The following ZNF718 variants were observed in gnomAD, a reference collection of about 807,000 sequenced individuals.
ZNF718 encodes zinc finger protein 718.
Under a neutral mutation model 2.6 loss-of-function variants are expected in ZNF718, and 3 were observed. The observed-to-expected ratio is 1.16, with a 90% CI of 0.53 to 3.01. The LOEUF is 3.01. Among genes scored for constraint, ZNF718 ranks in the 30% most tolerant of loss-of-function variants. ZNF718 has a pLI of 0.03. For synonymous variants in ZNF718, 135 were observed against 77.9 expected, an observed-to-expected ratio of 1.73 and a Z score of -3.86; for missense variants, 468 against 230.0, an observed-to-expected ratio of 2.03 and a Z score of -6.69.
chr4:157,603 A>G (rs980292374), intron 3 of ZNF718, among the ~76,000 whole-genome samples: 2 of 152,216 alleles, frequency 1.3e-5, no homozygotes, highest in African/African-American at 4.8e-5. Flanking sequence ...ACATTGAACA[A>G]GAGCATGCTA....
chr4:140,288 CTG>C (rs1177923348), intron 3 of ZNF718, among the ~76,000 whole-genome samples: 1 of 152,182 alleles, frequency 6.6e-6, no homozygotes, highest in Non-Finnish European at 1.5e-5. Context: ...GGAGGATACT[CTG>C]TGGGTCCTGC....
downstream of ZNF718, among the ~76,000 whole-genome samples, chr4:164,627 A>G (rs1241360490): frequency 2.0e-5 from 3 of 152,306 alleles, no homozygotes; most frequent in East Asian, 1.9e-4. Context: ...AAAATTTAGT[A>G]GAGCCCACAA....
intron 3 of ZNF718, among the ~76,000 whole-genome samples, chr4:148,477 C>T (rs150888757): frequency 1.9e-3 from 287 of 152,020 alleles, no homozygotes; most frequent in African/African-American, 6.6e-3. Context: ...GGCATGGTGG[C>T]GGGCATCTGT....
At chr4:134,434 G>C (rs781906515) in intron 3 of ZNF718, among the ~76,000 whole-genome samples, 1 of 152,148 alleles carries the variant, frequency 6.6e-6, no homozygotes, top group Non-Finnish European at 1.5e-5. Flanking sequence ...GTGAGCCACC[G>C]TGCCCAGCCA....
chr4:177,750 A>T (rs1173082730), intron 3 of ZNF718, among the ~76,000 whole-genome samples: 1 of 152,198 alleles, frequency 6.6e-6, no homozygotes. Flanking sequence ...CAAAGGACAA[A>T]ACAATGAGAC....
chr4:141,763 C>G (rs1386216503), intron 3 of ZNF718, among the ~76,000 whole-genome samples: 1 of 152,014 alleles, frequency 6.6e-6, no homozygotes, highest in South Asian at 2.1e-4. Context: ...ATCAAATTTC[C>G]TTGTATAAAG....
At chr4:141,988 G>T (rs782094422) in intron 3 of ZNF718, 1 of 519,078 alleles carries the variant, frequency 1.9e-6, no homozygotes, top group Non-Finnish European at 3.9e-6. Context: ...ATTTCCAGCA[G>T]GTAAAAAAGC....
At chr4:153,182 T>TCAC (rs1716410478) in intron 3 of ZNF718, among the ~76,000 whole-genome samples, 1 of 97,546 alleles carries the variant, frequency 1.0e-5, no homozygotes, top group Non-Finnish European at 2.3e-5. Flanking sequence ...AAAGACTCTC[T>TCAC]TTCTCCAATG....
intron 3 of ZNF718, among the ~76,000 whole-genome samples, chr4:170,729 A>T (rs1423379946): frequency 1.3e-5 from 2 of 151,928 alleles, no homozygotes; most frequent in African/African-American, 4.8e-5. Flanking sequence ...CTGCATTATT[A>T]TTCTAGTTAG....
chr4:128,590 G>C lies in ZNF718; in HGVS notation c.4-2198G>C, dbSNP rs1715288080. On this transcript the variant is annotated intron_variant, in intron 1 of 3. Transcript: ENST00000510175. The stretch of plus-strand genomic sequence containing the variant: ...GACCACCAGGACAGCGCCATTTTCT[G>C]TTTGCACCACACAAAGTCAGCCTGA... Among the ~76,000 whole-genome samples the C allele has an allele frequency of 2.0e-5, 2 of 102,270 alleles. 1 individual carries two copies. Among genetic ancestry groups the C allele is most frequent in the Non-Finnish European group, 4.3e-5 (2 of 46,168 alleles). The allele number at this position is 102,270 out of a possible 152,430, so 67.1% of individuals were successfully genotyped here.
chr4:200,607 G>C (rs1283467041), intron 3 of ZNF718, among the ~76,000 whole-genome samples: 1 of 151,986 alleles, frequency 6.6e-6, no homozygotes, highest in Non-Finnish European at 1.5e-5. Flanking sequence ...TTTAGAGTCA[G>C]ACTAGTACAA....
intron 3 of ZNF718, among the ~76,000 whole-genome samples, chr4:152,112 G>T (rs1367113411): frequency 2.0e-5 from 3 of 148,192 alleles, no homozygotes; most frequent in Non-Finnish European, 4.5e-5. Flanking sequence ...CTGCCCGCAG[G>T]TCCCACCTCC....
At chr4:164,766 GTTTA>G (rs1717049000), downstream of ZNF718, among the ~76,000 whole-genome samples, 1 of 152,060 alleles carries the variant, frequency 6.6e-6, no homozygotes, top group African/African-American at 2.4e-5. Context: ...ACATAATTGA[GTTTA>G]TTTATTGGGC....
chr4:183,838 A>AT lies in ZNF718; in HGVS notation c.227-17233dup, dbSNP rs1298504985. On this transcript the variant is annotated intron_variant and NMD_transcript_variant, in intron 3 of 4. Coordinates refer to the ZNF718 transcript ENST00000642529. ...TTTTTGGTACATAGGAATGCTAGAG[A>AT]TTTTTTTTTTCATTGTTTTTGTATC... Among the ~76,000 whole-genome samples the AT allele has an allele frequency of 9.7e-4, 146 of 149,762 alleles. 1 individual carries two copies. The highest frequency in any genetic ancestry group is 2.3e-3 in the African/African-American group (94 of 40,760).
At position 132,640 on chromosome 4, in the gene ZNF718, T is replaced by C. The variant is rs1715375706; in HGVS notation, c.226+1135T>C. Among the ~76,000 whole-genome samples the C allele has an allele frequency of 1.9e-5, 2 of 104,618 alleles. 1 individual carries two copies. Among genetic ancestry groups the C allele is most frequent in the African/African-American group, 6.6e-5 (2 of 30,256 alleles). The allele number at this position is 104,618 out of a possible 152,430, so 68.6% of individuals were successfully genotyped here. A position where few individuals can be genotyped will look rare whatever the true frequency, so the allele number is the denominator to read the frequency against. On this transcript the variant is annotated intron_variant, in intron 3 of 3. Coordinates refer to ENST00000510175, the MANE Select transcript of ZNF718 (RefSeq NM_001039127.6). ...TTCTGCTTAGTGATTTTTAATCCTA[T>C]AGAGGTTGCAAATGTAATTCTACAA...
chr4:191,820 A>T (rs1717698457), intron 3 of ZNF718, among the ~76,000 whole-genome samples: 1 of 152,176 alleles, frequency 6.6e-6, no homozygotes, highest in African/African-American at 2.4e-5. Flanking sequence ...TGCTCCCAAG[A>T]TGGGGCGGGC....
intron 1 of ZNF718, among the ~76,000 whole-genome samples, chr4:130,417 C>G (rs1715321597): frequency 9.7e-6 from 1 of 103,064 alleles, no homozygotes; most frequent in African/African-American, 3.4e-5. Flanking sequence ...AACGTGTGCC[C>G]TCCCCACAGA....
At chr4:173,837 G>A (rs73075709) in intron 3 of ZNF718, among the ~76,000 whole-genome samples, 34,113 of 152,032 alleles carry the variant, frequency 0.22, 4,178 homozygotes, top group Non-Finnish European at 0.28. Flanking sequence ...TGCAGACACA[G>A]GTATTTTACC....
intron 3 of ZNF718, among the ~76,000 whole-genome samples, chr4:193,995 G>A (rs1244754778): frequency 2.6e-5 from 4 of 152,130 alleles, no homozygotes; most frequent in Non-Finnish European, 5.9e-5. Flanking sequence ...GATTTGCCCA[G>A]CCTTTCCCTG....
Sources: gnomAD v4.1 joint callset for allele counts (sites outside exome capture counted in the v4.1 genomes callset) on GRCh38, gnomAD v4.1.1 for gene constraint, MANE v1.5 for transcripts, NCBI Gene and HGNC (gene_info 2026-07-23, HGNC 2026-07-21) for gene names.